RECQL: variants seen among roughly 807,000 people sequenced by gnomAD.
RECQL encodes the protein RecQ like helicase.
Under a neutral mutation model 75.8 loss-of-function variants are expected in RECQL, and 73 were observed. That is an observed-to-expected ratio of 0.96 (90% CI 0.80 to 1.17). The LOEUF (loss-of-function observed/expected upper bound fraction) is 1.17. RECQL is among the 50% of genes most tolerant of loss of function. The pLI is 0.00. For synonymous variants in RECQL, 248 were observed against 254.4 expected (o/e 0.97, Z 0.24); for missense variants, 699 against 772.1 (o/e 0.91, Z 1.12).
At chr12:21,473,467 G>A in intron 12 of RECQL, 84 bp downstream of exon 12, 1 of 997,578 alleles carries the variant, frequency 1.0e-6, no homozygotes, top group Non-Finnish European at 1.6e-6. Flanking sequence ...AAATCACCTA[G>A]TGATGCATTT....
chr12:21,486,639 C>A, intron 4 of RECQL, 54 bp from the exon 5 acceptor site: 3 of 602,426 alleles, frequency 5.0e-6, no homozygotes, highest in Non-Finnish European at 5.5e-6. Flanking sequence ...CCCTCAGAAT[C>A]AGATGCAAAC....
chr12:21,471,782 T>C, intron 12 of RECQL, 135 bp from the exon 13 acceptor site: 2 of 679,562 alleles, frequency 2.9e-6, no homozygotes, highest in South Asian at 1.8e-5. Flanking sequence ...TTTAAATGTA[T>C]TCTGAATTAA....
intron 11 of RECQL, among the ~76,000 whole-genome samples, chr12:21,474,502 C>CA (rs1278797999): frequency 6.6e-6 from 1 of 152,052 alleles, no homozygotes; most frequent in African/African-American, 2.4e-5. Context: ...GCTTGACTCT[C>CA]AAAATGCCTA....
chr12:21,492,551 TC>T (rs1476933713), intron 2 of RECQL, among the ~76,000 whole-genome samples: 3 of 152,222 alleles, frequency 2.0e-5, no homozygotes, highest in African/African-American at 7.2e-5. Context: ...ACTGCCATCA[TC>T]CCTTGTATCA....
chr12:21,494,759 T>C (rs1443398282), intron 2 of RECQL, among the ~76,000 whole-genome samples: 1 of 152,150 alleles, frequency 6.6e-6, no homozygotes, highest in African/African-American at 2.4e-5. Context: ...AATACAGTCA[T>C]GAGCAGAGCG....
intron 2 of RECQL, among the ~76,000 whole-genome samples, chr12:21,498,453 G>C (rs148372773): frequency 1.3e-4 from 20 of 152,120 alleles, no homozygotes; most frequent in Non-Finnish European, 2.8e-4. Context: ...AGAGGTCTTG[G>C]TTACCAAGAA....
chr12:21,481,081 A>G (rs200882905), intron 6 of RECQL, among the ~76,000 whole-genome samples: 12 of 152,240 alleles, frequency 7.9e-5, no homozygotes, highest in Admixed American at 5.9e-4. Context: ...AATGATAAAG[A>G]TAACTGCTAA....
chr12:21,484,540 A>C (rs1336640156), intron 5 of RECQL, among the ~76,000 whole-genome samples: 1 of 152,150 alleles, frequency 6.6e-6, no homozygotes, highest in Non-Finnish European at 1.5e-5. Context: ...TAAAACAAAA[A>C]TATATGGGTA....
intron 9 of RECQL, 39 bp from the exon 10 acceptor site, chr12:21,475,624 G>T (rs766312782): frequency 4.7e-5 from 76 of 1,606,662 alleles, no homozygotes; most frequent in Non-Finnish European, 6.3e-5. Flanking sequence ...ATTAAATCAA[G>T]TTTAAATATT....
chr12:21,470,368 A>G (rs779256876), intron 14 of RECQL, 22 bp from the exon 15 acceptor site: 13 of 1,524,286 alleles, frequency 8.5e-6, no homozygotes, highest in Non-Finnish European at 2.6e-6. Context: ...AAAAAAAAAC[A>G]AAGCAAGCAC....
chr12:21,483,298 C>G, intron 6 of RECQL, 78 bp downstream of exon 6: 1 of 902,690 alleles, frequency 1.1e-6, no homozygotes, highest in African/African-American at 1.7e-5. Flanking sequence ...TTAATAGAAG[C>G]AGAGATTTCC....
chr12:21,490,541 T>G (rs188050336), intron 3 of RECQL, among the ~76,000 whole-genome samples, 163 bp from the exon 4 acceptor site: 1 of 152,300 alleles, frequency 6.6e-6, no homozygotes, highest in East Asian at 1.9e-4. Flanking sequence ...CAAAAACAAG[T>G]TAAATGATGT....
At chr12:21,480,963 G>A (rs537936292) in intron 6 of RECQL, among the ~76,000 whole-genome samples, 3 of 152,122 alleles carry the variant, frequency 2.0e-5, no homozygotes, top group Admixed American at 1.3e-4. Context: ...TGATATCTTC[G>A]TTTTCTTTTT....
chr12:21,476,868 G>T, intron 8 of RECQL, 43 bp downstream of exon 8: 1 of 1,386,414 alleles, frequency 7.2e-7, no homozygotes, highest in Non-Finnish European at 1.0e-6. Context: ...GTCACTTTTT[G>T]AAAGTTATCT....
At chr12:21,496,275 G>A (rs534548890) in intron 2 of RECQL, among the ~76,000 whole-genome samples, 17 of 152,344 alleles carry the variant, frequency 1.1e-4, no homozygotes, top group Non-Finnish European at 2.2e-4. Flanking sequence ...GGTTCCAGCT[G>A]TAATTTCATT....
At chr12:21,487,215 G>A (rs886660286) in intron 4 of RECQL, among the ~76,000 whole-genome samples, 2 of 152,036 alleles carry the variant, frequency 1.3e-5, no homozygotes, top group Non-Finnish European at 2.9e-5. Flanking sequence ...GGTAATTTCA[G>A]TAAGACAACA....
In RECQL at chr12:21,471,025, T is replaced by C. The variant is rs1400162004; in HGVS notation, c.1741A>G (p.Asn581Asp). ...TGCATAGTAATAGCATGTGCCTCAT[T>C]GTTCAGAAGATTAGCTTTAGGTCCT... is the stretch of plus-strand genomic sequence containing the variant. ...KIGPKANLLNNEAHAITMQVT... is the reference protein window; with the variant it reads ...KIGPKANLLNDEAHAITMQVT... The change falls in exon 14 of 15, where the codon AAT becomes GAT. Residue 581 changes from asparagine (N) to aspartate (D), a missense_variant. Transcript: ENST00000444129. 1.9e-6 allele frequency: 3 copies of C among 1,599,082 alleles called. No individual in the cohort carries two copies. Among genetic ancestry groups the C allele is most frequent in the Non-Finnish European group, 2.6e-6 (3 of 1,174,238 alleles).
At chr12:21,485,160 A>G (rs760205165) in intron 5 of RECQL, among the ~76,000 whole-genome samples, 16 of 151,538 alleles carry the variant, frequency 1.1e-4, no homozygotes, top group Admixed American at 1.1e-3. Context: ...ACAAAAAGAT[A>G]ACCAGGTACT....
At chr12:21,498,401 T>A (rs1943547145) in intron 2 of RECQL, among the ~76,000 whole-genome samples, 1 of 152,052 alleles carries the variant, frequency 6.6e-6, no homozygotes, top group Admixed American at 6.6e-5. Flanking sequence ...GCTAGTGAAA[T>A]TTTTGCTTCC....
Sources: allele counts gnomAD v4.1 joint callset (sites outside exome capture counted in the v4.1 genomes callset), GRCh38; gene constraint gnomAD v4.1.1; transcripts MANE v1.5; gene names NCBI Gene and HGNC (gene_info 2026-07-23, HGNC 2026-07-21).